The following KCNJ12 variants were observed in gnomAD, a reference collection of about 807,000 sequenced individuals.
KCNJ12 encodes ATP-sensitive inward rectifier potassium channel 12.
A neutral mutation model predicts 22.3 loss-of-function variants in KCNJ12; 2 were observed. The observed-to-expected ratio is 0.09, with a 90% CI of 0.04 to 0.28. KCNJ12 has a LOEUF of 0.28. Ranked by LOEUF, KCNJ12 falls within the 10% of genes least tolerant of loss-of-function variation. The probability of loss-of-function intolerance (pLI) is 1.00; values close to 1 mark genes in which losing one functional copy is unlikely to be tolerated. For missense variants in KCNJ12, 155 were observed against 633.3 expected (o/e 0.24, Z 8.11); for synonymous variants, 117 against 261.4 (o/e 0.45, Z 5.33).
At chr17:21,389,247 C>T (rs1905148919) in intron 1 of KCNJ12, among the ~76,000 whole-genome samples, 1 of 152,182 alleles carries the variant, frequency 6.6e-6, no homozygotes, top group African/African-American at 2.4e-5. Flanking sequence ...GTGACCTCAG[C>T]CACAGAGCAT....
At chr17:21,396,976 C>A (rs1321163265) in intron 1 of KCNJ12, among the ~76,000 whole-genome samples, 1 of 152,224 alleles carries the variant, frequency 6.6e-6, no homozygotes, top group Non-Finnish European at 1.5e-5. Flanking sequence ...AGGTCATCTG[C>A]CTGGCCTCCA....
intron 1 of KCNJ12, among the ~76,000 whole-genome samples, chr17:21,396,604 G>T (rs1905374330): frequency 6.6e-6 from 1 of 152,096 alleles, no homozygotes; most frequent in Admixed American, 6.5e-5. Flanking sequence ...GCCCGGTGTG[G>T]GTATCAGCCC....
chr17:21,395,140 G>A (rs1218172443), intron 1 of KCNJ12, among the ~76,000 whole-genome samples: 1 of 151,876 alleles, frequency 6.6e-6, no homozygotes, highest in East Asian at 1.9e-4. Context: ...CTACAAAAAT[G>A]AAACATTAGC....
intron 2 of KCNJ12, among the ~76,000 whole-genome samples, chr17:21,414,984 C>G (rs1351190857): frequency 2.0e-5 from 3 of 152,226 alleles, no homozygotes; most frequent in Non-Finnish European, 4.4e-5. Flanking sequence ...GCTGGGCAGG[C>G]ACTGTTAGAT....
intron 1 of KCNJ12, among the ~76,000 whole-genome samples, chr17:21,393,230 C>T (rs185954404): frequency 9.9e-5 from 15 of 152,244 alleles, no homozygotes; most frequent in South Asian, 4.1e-4. Context: ...CAGATGGGGA[C>T]GCTGAGGCTC....
intron 2 of KCNJ12, among the ~76,000 whole-genome samples, 186 bp downstream of exon 2, chr17:21,408,826 C>T (rs1338296723): frequency 9.2e-5 from 14 of 152,306 alleles, no homozygotes; most frequent in Admixed American, 7.8e-4. Flanking sequence ...TCCCCTCGCC[C>T]ATGCCATCCG....
chr17:21,393,383 C>A (rs1190175486), intron 1 of KCNJ12, among the ~76,000 whole-genome samples: 1 of 152,036 alleles, frequency 6.6e-6, no homozygotes, highest in Non-Finnish European at 1.5e-5. Context: ...CTGGTTGCAC[C>A]CTGGGGCTGA....
intron 2 of KCNJ12, among the ~76,000 whole-genome samples, chr17:21,413,349 C>T (rs1172135657): frequency 1.7e-5 from 2 of 115,162 alleles, no homozygotes; most frequent in African/African-American, 2.8e-5. Context: ...AGGCTGTGTG[C>T]AGCGCCTGGT....
chr17:21,386,106 G>A (rs1182609476), intron 1 of KCNJ12, among the ~76,000 whole-genome samples: 1 of 152,222 alleles, frequency 6.6e-6, no homozygotes, highest in Non-Finnish European at 1.5e-5. Flanking sequence ...ATAACAGACT[G>A]GGTGGCCTAA....
At chr17:21,400,385 T>C (rs1467857807) in intron 1 of KCNJ12, among the ~76,000 whole-genome samples, 9 of 152,424 alleles carry the variant, frequency 5.9e-5, no homozygotes, top group Admixed American at 1.3e-4. Flanking sequence ...CTCGACTCCC[T>C]CCTCCCGGGT....
chr17:21,408,141 T>C (rs1906091894), intron 1 of KCNJ12, among the ~76,000 whole-genome samples: 2 of 152,304 alleles, frequency 1.3e-5, no homozygotes, highest in Admixed American at 1.3e-4. Context: ...TTTGTGACAG[T>C]GGGAGAATTA....
intron 1 of KCNJ12, among the ~76,000 whole-genome samples, chr17:21,382,105 T>C (rs1316283187): frequency 6.6e-6 from 1 of 152,168 alleles, no homozygotes; most frequent in Non-Finnish European, 1.5e-5. Flanking sequence ...TCTGGCTGAG[T>C]GGGAGGGAGT....
chr17:21,410,179 G>A (rs1597578569), intron 2 of KCNJ12, among the ~76,000 whole-genome samples: 1 of 152,314 alleles, frequency 6.6e-6, no homozygotes, highest in Admixed American at 6.5e-5. Flanking sequence ...GCCCAGCCTA[G>A]CCTTGATGTG....
chr17:21,390,622 C>A (rs1338924895), intron 1 of KCNJ12, among the ~76,000 whole-genome samples: 11 of 152,182 alleles, frequency 7.2e-5, no homozygotes, highest in African/African-American at 2.4e-4. Context: ...GGTTTTCTTT[C>A]TTTCCTTCCC....
chr17:21,411,676 G>C (rs1366777823), intron 2 of KCNJ12, among the ~76,000 whole-genome samples: 1 of 152,302 alleles, frequency 6.6e-6, no homozygotes, highest in African/African-American at 2.4e-5. Flanking sequence ...TGGGGAGCCA[G>C]CCTTCTTGCT....
chr17:21,410,341 A>C (rs1369943579), intron 2 of KCNJ12, among the ~76,000 whole-genome samples: 2 of 152,238 alleles, frequency 1.3e-5, no homozygotes, highest in Admixed American at 1.3e-4. Flanking sequence ...TCCAGGCCCC[A>C]GTGCTGCATC....
At chr17:21,398,595 A>G (rs1905463301) in intron 1 of KCNJ12, among the ~76,000 whole-genome samples, 1 of 152,120 alleles carries the variant, frequency 6.6e-6, no homozygotes, top group East Asian at 1.9e-4. Context: ...CTATGCAGTC[A>G]TTTTTGGCTG....
At chr17:21,398,223 C>T (rs1238737447) in intron 1 of KCNJ12, among the ~76,000 whole-genome samples, 2 of 152,174 alleles carry the variant, frequency 1.3e-5, no homozygotes, top group African/African-American at 4.8e-5. Flanking sequence ...AGGAAGAACG[C>T]AGGCCCGAGT....
Position 21,417,080 on chromosome 17 carries a change from CAA to C in KCNJ12, c.*447_*448del. On this transcript the variant is annotated 3_prime_UTR_variant, in exon 3 of 3. Transcript: ENST00000583088. The stretch of plus-strand genomic sequence containing the variant: ...ACCTTAGCTTGGGTGAGACTGTTTA[CAA>C]AAAAAAAAAATTACCATGCAATTGA... 7 of 99,274 alleles carry C rather than the reference CAA, an allele frequency of 7.1e-5. No individual in the cohort carries two copies. Among genetic ancestry groups the C allele is most frequent in the East Asian group, 2.8e-4 (1 of 3,582 alleles). 6.1% of individuals were successfully genotyped at this position (99,274 alleles called of 1,614,324 possible).
Sources: allele counts gnomAD v4.1 joint callset (sites outside exome capture counted in the v4.1 genomes callset), GRCh38; gene constraint gnomAD v4.1.1; transcripts MANE v1.5; gene names NCBI Gene and HGNC (gene_info 2026-07-23, HGNC 2026-07-21).